Variants in FGF12 observed in about 807,000 individuals in gnomAD.
The protein encoded by FGF12 is fibroblast growth factor 12B.
Under a neutral mutation model 23.6 loss-of-function variants are expected in FGF12, and 14 were observed. That is an observed-to-expected ratio of 0.59 (90% CI 0.39 to 0.93). The LOEUF is 0.93. Among genes scored for constraint, FGF12 ranks in the 40% least tolerant of loss-of-function variants. FGF12 has a pLI of 0.00. For missense variants in FGF12, 175 were observed against 217.8 expected (o/e 0.80, Z 1.24); for synonymous variants, 62 against 77.3 (o/e 0.80, Z 1.04).
At chr3:192,599,767 AAAAT>A (rs1373496536) in intron 2 of FGF12, among the ~76,000 whole-genome samples, 2 of 152,134 alleles carry the variant, frequency 1.3e-5, no homozygotes, top group South Asian at 4.1e-4. Flanking sequence ...GAGGGAGAAA[AAAAT>A]AAATAATAAA....
chr3:192,700,377 T>C (rs1718253471), intron 2 of FGF12, among the ~76,000 whole-genome samples: 2 of 152,216 alleles, frequency 1.3e-5, no homozygotes, highest in Admixed American at 6.5e-5. Context: ...AATGTGTTCA[T>C]ATAAAGTAAA....
chr3:192,179,737 G>T (rs987422270), intron 4 of FGF12, among the ~76,000 whole-genome samples: 4 of 151,852 alleles, frequency 2.6e-5, no homozygotes, highest in Non-Finnish European at 5.9e-5. Context: ...GTAGAGACAG[G>T]GTTTCATTAT....
intron 2 of FGF12, among the ~76,000 whole-genome samples, chr3:192,696,795 C>G (rs1718138869): frequency 6.6e-6 from 1 of 151,834 alleles, no homozygotes; most frequent in South Asian, 2.1e-4. Context: ...GCATTTCTAA[C>G]AAGATTCGGG....
chr3:192,295,927 G>C (rs1223620444), intron 4 of FGF12, among the ~76,000 whole-genome samples: 2 of 151,540 alleles, frequency 1.3e-5, no homozygotes, highest in African/African-American at 2.4e-5. Context: ...CTGTTGCCCA[G>C]GCTGAGTGCA....
intron 2 of FGF12, among the ~76,000 whole-genome samples, chr3:192,486,708 A>T (rs558529365): frequency 3.3e-5 from 5 of 152,114 alleles, no homozygotes; most frequent in Non-Finnish European, 5.9e-5. Context: ...GAATGGGAAG[A>T]CATTGAGGAG....
At chr3:192,345,636 G>C (rs577444312) in intron 3 of FGF12, among the ~76,000 whole-genome samples, 1 of 41,826 alleles carries the variant, frequency 2.4e-5, no homozygotes. Context: ...GCAGTGAGCC[G>C]AGATCGCGCC....
intron 2 of FGF12, among the ~76,000 whole-genome samples, chr3:192,439,952 G>C (rs1464869712): frequency 1.3e-5 from 2 of 149,392 alleles, no homozygotes; most frequent in Non-Finnish European, 2.9e-5. Flanking sequence ...TTCCAGCCTA[G>C]GTGACAGAGC....
chr3:192,714,627 T>A (rs1718805532), intron 2 of FGF12, among the ~76,000 whole-genome samples: 1 of 148,864 alleles, frequency 6.7e-6, no homozygotes, highest in African/African-American at 2.5e-5. Context: ...CACGCCATTC[T>A]CCTGCCTCAG....
At chr3:192,630,547 A>G (rs114531093) in intron 2 of FGF12, among the ~76,000 whole-genome samples, 14,368 of 127,474 alleles carry the variant, frequency 0.11, 885 homozygotes, top group Middle Eastern at 0.16. Flanking sequence ...TGCTATAAAA[A>G]AATTCAATTT....
intron 2 of FGF12, among the ~76,000 whole-genome samples, chr3:192,538,608 C>A (rs1343683709): frequency 6.6e-6 from 1 of 152,100 alleles, no homozygotes; most frequent in Admixed American, 6.5e-5. Context: ...ATAATTCTAG[C>A]TTTTTCCTGG....
chr3:192,403,284 T>A (rs1490595525), intron 2 of FGF12, among the ~76,000 whole-genome samples: 1 of 152,200 alleles, frequency 6.6e-6, no homozygotes, highest in East Asian at 1.9e-4. Flanking sequence ...TCACTTCCTA[T>A]AAATTGTTTT....
At chr3:192,470,303 T>C (rs1723133954) in intron 2 of FGF12, among the ~76,000 whole-genome samples, 1 of 152,228 alleles carries the variant, frequency 6.6e-6, no homozygotes, top group Admixed American at 6.5e-5. Flanking sequence ...GCGAGAACAA[T>C]CTAAATGCAT....
At chr3:192,385,721 G>A (rs953766761) in intron 2 of FGF12, among the ~76,000 whole-genome samples, 39 of 152,240 alleles carry the variant, frequency 2.6e-4, no homozygotes, top group African/African-American at 8.4e-4. Context: ...GGCCAGGGGC[G>A]AATACTCTCT....
chr3:192,665,821 A>C (rs1450693150), intron 2 of FGF12, among the ~76,000 whole-genome samples: 1 of 152,226 alleles, frequency 6.6e-6, no homozygotes, highest in Non-Finnish European at 1.5e-5. Context: ...AAGGTCTCAC[A>C]TGTGGGACCA....
chr3:192,639,935 C>A (rs1715727558), intron 2 of FGF12, among the ~76,000 whole-genome samples: 1 of 151,686 alleles, frequency 6.6e-6, no homozygotes, highest in Non-Finnish European at 1.5e-5. Context: ...AATGGATAAA[C>A]CTGGAGGCCA....
chr3:192,497,521 T>C (rs967886935), intron 2 of FGF12, among the ~76,000 whole-genome samples: 17 of 152,306 alleles, frequency 1.1e-4, no homozygotes, highest in Middle Eastern at 3.4e-3. Context: ...TAATCCTCAT[T>C]CCCAAATATA....
At position 192,378,316 on chromosome 3, in the gene FGF12, G is replaced by T. The variant is rs549789863; in HGVS notation, c.14-17778C>A. Among the ~76,000 whole-genome samples the T allele has an allele frequency of 2.8e-4, 42 of 149,380 alleles. 3 individuals carry two copies. The highest frequency in any genetic ancestry group is 4.1e-4 in the Non-Finnish European group (28 of 67,964). ...GTAGAGACAGGGTTTTTGCCATGTT[G>T]CCCAGGCTGGTCTTGAACTCCTGGG... On this transcript the variant is annotated intron_variant, in intron 2 of 5. Coordinates refer to ENST00000445105, the MANE Select transcript of FGF12 (RefSeq NM_004113.6).
chr3:192,303,270 C>T (rs1715443468), intron 4 of FGF12, among the ~76,000 whole-genome samples: 1 of 152,138 alleles, frequency 6.6e-6, no homozygotes. Context: ...GCATCAACAT[C>T]AGAGATTTTG....
intron 2 of FGF12, among the ~76,000 whole-genome samples, chr3:192,566,648 A>G (rs1712306260): frequency 6.6e-6 from 1 of 152,174 alleles, no homozygotes; most frequent in African/African-American, 2.4e-5. Flanking sequence ...CAGTCTTTTA[A>G]TCTCTAGATT....
Sources: allele counts gnomAD v4.1 joint callset (sites outside exome capture counted in the v4.1 genomes callset), GRCh38; gene constraint gnomAD v4.1.1; transcripts MANE v1.5; gene names NCBI Gene and HGNC (gene_info 2026-07-23, HGNC 2026-07-21).